The following BICD1 variants were observed in gnomAD, a reference collection of about 807,000 sequenced individuals.
The protein encoded by BICD1 is protein bicaudal D homolog 1.
In BICD1, 35 loss-of-function variants were observed where a neutral mutation model predicts 92.5. That is an observed-to-expected ratio of 0.38 (90% CI 0.29 to 0.50). The LOEUF is 0.50. BICD1 is among the 20% of genes least tolerant of loss of function. The pLI is 0.93. For synonymous variants in BICD1, 429 were observed against 465.1 expected (o/e 0.92, Z 1.00); for missense variants, 950 against 1,189.8 (o/e 0.80, Z 2.97).
At position 32,328,290 on chromosome 12, in the gene BICD1, T is replaced by A; in HGVS notation, c.1835T>A (p.Val612Glu). The change falls in exon 5 of 10, where the codon GTA (valine) becomes GAA (glutamate). Residue 612 changes from valine (V) to glutamate (E), a missense_variant. Transcript: ENST00000652176. The surrounding 1 kb of genome is among the most constrained non-coding windows in gnomAD (Gnocchi z 4.4). ...ATTACTGCCCCACCGTCATCTCCAGTATTGGATACAAGTGACATCCGCAAA... is the reference window on the plus strand; with the variant it reads ...ATTACTGCCCCACCGTCATCTCCAGAATTGGATACAAGTGACATCCGCAAA... Reference protein sequence around the residue: ...PVITAPPSSPVLDTSDIRKEP... With the variant: ...PVITAPPSSPELDTSDIRKEP... The A allele has an allele frequency of 6.2e-7, 1 of 1,614,202 alleles. No individual in the cohort carries two copies.
rs1448956668 is a variant in BICD1, at chr12:32,148,647, C to T, written c.213+41103C>T. Among the ~76,000 whole-genome samples, 5 of 152,156 alleles carry T rather than the reference C, an allele frequency of 3.3e-5. No individual in the cohort carries two copies. In the East Asian group the frequency reaches 9.6e-4, roughly 29 times the overall value. ...GGCAGACAGGCAGGTAGGAACTTTC[C>T]TGGTGAACCCTCCCTGTATGACCAT... On this transcript the variant is annotated intron_variant, in intron 1 of 9. Transcript: ENST00000652176.
chr12:32,333,050 T>G, intron 5 of BICD1: 3 of 985,324 alleles, frequency 3.0e-6, no homozygotes, highest in Non-Finnish European at 2.4e-6. Context: ...ATAAATGATT[T>G]TGTATTTCTG....
chr12:32,320,677 C>G (rs1236720583), intron 4 of BICD1, among the ~76,000 whole-genome samples: 1 of 142,868 alleles, frequency 7.0e-6, no homozygotes, highest in Non-Finnish European at 1.5e-5. Flanking sequence ...AAGGTAAACA[C>G]TCAGTGAAAT....
At position 32,377,652 on chromosome 12, in the gene BICD1, C is replaced by A; in HGVS notation, c.*25C>A. On this transcript the variant is annotated 3_prime_UTR_variant, in exon 10 of 10. Transcript: ENST00000652176. The stretch of plus-strand genomic sequence containing the variant: ...GTCTTCATCTCCTGTGGACGAACAT[C>A]TGGGGTGGAAGTTTTGTAGCCACAC... 1 of 1,590,514 alleles carries A rather than the reference C, an allele frequency of 6.3e-7. No individual in the cohort carries two copies. The highest frequency in any genetic ancestry group is 1.1e-5 in the South Asian group (1 of 90,622).
chr12:32,215,609 T>C (rs901277670), intron 1 of BICD1, among the ~76,000 whole-genome samples: 1 of 152,170 alleles, frequency 6.6e-6, no homozygotes, highest in African/African-American at 2.4e-5. Context: ...TGAATTTTGA[T>C]GGGCTTATTA....
At chr12:32,240,620 T>G (rs1684200708) in intron 2 of BICD1, among the ~76,000 whole-genome samples, 1 of 152,134 alleles carries the variant, frequency 6.6e-6, no homozygotes, top group African/African-American at 2.4e-5. Context: ...AATCCTTAAT[T>G]TAATCGTATC....
intron 1 of BICD1, among the ~76,000 whole-genome samples, chr12:32,180,106 T>A (rs2121522427): frequency 6.6e-6 from 1 of 152,022 alleles, no homozygotes; most frequent in Middle Eastern, 3.4e-3. Context: ...CAGACTTGAA[T>A]TTCTTTTTTA....
chr12:32,358,248 G>A (rs61927171), intron 8 of BICD1, among the ~76,000 whole-genome samples: 14,715 of 151,752 alleles, frequency 0.097, 898 homozygotes, highest in Middle Eastern at 0.22. Context: ...CTACAGGCAC[G>A]CCCTACCATG....
At chr12:32,183,464 AC>A (rs1944339634) in intron 1 of BICD1, among the ~76,000 whole-genome samples, 1 of 150,672 alleles carries the variant, frequency 6.6e-6, no homozygotes. Context: ...ACAGGGTTTC[AC>A]CATGTTGGCC....
rs1937691026 is a variant in BICD1 at position 32,328,903 on chromosome 12, G to T, written c.2100+348G>T. Among the ~76,000 whole-genome samples the T allele has an allele frequency of 6.6e-6, 1 of 151,996 alleles. No homozygotes were observed. The highest frequency in any genetic ancestry group is 2.4e-5 in the African/African-American group (1 of 41,392). On this transcript the variant is annotated intron_variant, in intron 5 of 9. Coordinates refer to ENST00000652176, the MANE Select transcript of BICD1 (RefSeq NM_001714.4). This position sits in a 1 kb window ranked among gnomAD's most constrained non-coding sequence, Gnocchi z 4.4. ...ACAGGAGATGGAGGGTGGCAGAATA[G>T]GCTGGCAAGGCAGGTTACACCAACC...
chr12:32,175,673 C>G (rs978017816), intron 1 of BICD1, among the ~76,000 whole-genome samples: 1 of 152,058 alleles, frequency 6.6e-6, no homozygotes, highest in African/African-American at 2.4e-5. Context: ...GGGAAGGTCC[C>G]CCAATTTTTT....
rs1224273979 is a variant in BICD1 at position 32,378,941 on chromosome 12, A to G, written c.*1314A>G. ...TCATAGCAAAATTTATTTTGCACAT[A>G]ATCTGACAAACAAGGAAAACAGCTA... On this transcript the variant is annotated 3_prime_UTR_variant, in exon 10 of 10. Coordinates refer to ENST00000652176, the MANE Select transcript of BICD1 (RefSeq NM_001714.4). 6.6e-6 allele frequency: 1 copy of G among 152,214 alleles called. No individual in the cohort carries two copies. Among genetic ancestry groups the G allele is most frequent in the African/African-American group, 2.4e-5 (1 of 41,446 alleles). The allele number at this position is 152,214 out of a possible 1,614,324, so 9.4% of individuals were successfully genotyped here.
At chr12:32,227,094 G>A (rs1945721469) in intron 2 of BICD1, among the ~76,000 whole-genome samples, 1 of 152,168 alleles carries the variant, frequency 6.6e-6, no homozygotes, top group South Asian at 2.1e-4. Flanking sequence ...TGGCTGGAGA[G>A]CCTCCTCCAT....
intron 1 of BICD1, among the ~76,000 whole-genome samples, chr12:32,158,071 C>A (rs1943491380): frequency 6.6e-6 from 1 of 150,804 alleles, no homozygotes; most frequent in South Asian, 2.1e-4. Flanking sequence ...GAGGCTTACA[C>A]AGGACGATAA....
intron 8 of BICD1, among the ~76,000 whole-genome samples, chr12:32,360,561 T>C (rs182523810): frequency 3.9e-5 from 6 of 152,344 alleles, no homozygotes; most frequent in African/African-American, 1.2e-4. Flanking sequence ...ACTACCCACA[T>C]TCTCTATCTC....
intron 1 of BICD1, among the ~76,000 whole-genome samples, chr12:32,110,400 G>A (rs1455779306): frequency 6.6e-6 from 1 of 152,176 alleles, no homozygotes; most frequent in Non-Finnish European, 1.5e-5. Flanking sequence ...TGAAAGAATA[G>A]TACTAAGGAT....
chr12:32,236,505 T>C (rs7957547), intron 2 of BICD1, among the ~76,000 whole-genome samples: 18,286 of 152,114 alleles, frequency 0.12, 1,789 homozygotes, highest in African/African-American at 0.27. Context: ...TCCTCAGACC[T>C]CCCTATTCCA....
At position 32,346,657 on chromosome 12, in the gene BICD1, T is replaced by TATACGTGTATATATATATATATATATAC. The variant is rs765654340; in HGVS notation, c.2764+7679_2764+7680insTACGTGTATATATATATATATATATACA. On this transcript the variant is annotated intron_variant, in intron 8 of 9. Transcript: ENST00000652176. Reference sequence around the variant, plus strand: ...ATACGTGTATATATATATATATATATACACACACACACGCACACACACACA... The same window carrying TATACGTGTATATATATATATATATATAC: ...ATACGTGTATATATATATATATATATATACGTGTATATATATATATATATATACACACACACACACGCACACACACACA... Among the ~76,000 whole-genome samples, 4 of 14,790 alleles carry TATACGTGTATATATATATATATATATAC rather than the reference T, an allele frequency of 2.7e-4. 1 individual carries two copies. The highest frequency in any genetic ancestry group is 4.2e-4 in the Non-Finnish European group (3 of 7,162). The allele number at this position is 14,790 out of a possible 152,430, so 9.7% of individuals were successfully genotyped here. A position where few individuals can be genotyped will look rare whatever the true frequency, so the allele number is the denominator to read the frequency against.
chr12:32,234,316 G>T (rs1035033568), intron 2 of BICD1, among the ~76,000 whole-genome samples: 8 of 152,156 alleles, frequency 5.3e-5, no homozygotes, highest in Admixed American at 4.6e-4. Context: ...AGCAAAATTA[G>T]GCAGGGCGTG....
Sources: gnomAD v4.1 joint callset for allele counts (sites outside exome capture counted in the v4.1 genomes callset) on GRCh38, gnomAD v4.1.1 for gene constraint, Gnocchi (gnomAD v3.1) non-coding constraint, MANE v1.5 for transcripts, NCBI Gene and HGNC (gene_info 2026-07-23, HGNC 2026-07-21) for gene names.